Variants in MARK3 observed in about 807,000 individuals in gnomAD.
MARK3 encodes microtubule affinity regulating kinase 3.
A neutral mutation model predicts 90.1 loss-of-function variants in MARK3; 46 were observed. The ratio of observed to expected loss-of-function variants is 0.51; its 90% CI spans 0.40 to 0.65. The LOEUF (loss-of-function observed/expected upper bound fraction) is 0.65. Among genes scored for constraint, MARK3 ranks in the 30% least tolerant of loss-of-function variants. The probability of loss-of-function intolerance (pLI) is 0.00; values close to 1 mark genes in which losing one functional copy is unlikely to be tolerated. For missense variants in MARK3, 818 were observed against 947.2 expected, an observed-to-expected ratio of 0.86 and a Z score of 1.79; for synonymous variants, 321 against 332.6, an observed-to-expected ratio of 0.97 and a Z score of 0.38.
chr14:103,483,676 C>G (rs956899928), intron 14 of MARK3, among the ~76,000 whole-genome samples: 2 of 152,142 alleles, frequency 1.3e-5, no homozygotes, highest in Non-Finnish European at 2.9e-5. Context: ...ACCTGTGATT[C>G]GTTTTCTGAG....
At chr14:103,491,046 T>C (rs960839431) in intron 14 of MARK3, 1 of 1,288,604 alleles carries the variant, frequency 7.8e-7, no homozygotes, top group Non-Finnish European at 1.0e-6. Context: ...CATGTCAGCC[T>C]CTGGGCACCC....
In MARK3 at chr14:103,466,430, CA is replaced by C; in HGVS notation, c.991del (p.Arg331GlufsTer2). Reference protein sequence around the residue: ...FVEPELDISDQKRIDIMVGMG... With the variant: ...FVEPELDISDXKRIDIMVGMG... The stretch of plus-strand genomic sequence containing the variant: ...TGAACCAGAGCTAGACATCTCAGAC[CA>C]AAAAAGAATAGGTAATCACTCCATG... On this transcript the variant is annotated frameshift_variant, in exon 10 of 18. Coordinates refer to ENST00000429436, the MANE Select transcript of MARK3 (RefSeq NM_001128918.3). LOFTEE classifies it high-confidence loss of function. 1.9e-6 allele frequency: 3 copies of C among 1,608,632 alleles called. No homozygotes were observed. The highest frequency in any genetic ancestry group is 2.6e-6 in the Non-Finnish European group (3 of 1,176,348).
chr14:103,391,709 ATTTTT>A (rs71126012), intron 1 of MARK3, among the ~76,000 whole-genome samples: 1 of 69,684 alleles, frequency 1.4e-5, no homozygotes, highest in African/African-American at 7.6e-5. Context: ...ATGCCTGGCT[ATTTTT>A]TTTTTTTTTT....
chr14:103,503,084 G>A lies in MARK3; in HGVS notation c.2119G>A (p.Ala707Thr), dbSNP rs1350133881. The A allele has an allele frequency of 4.3e-6, 7 of 1,614,096 alleles. No individual in the cohort carries two copies. The highest frequency in any genetic ancestry group is 1.3e-5 in the African/African-American group (1 of 74,924). Residue 707 changes from alanine to threonine, a missense_variant, in exon 18 of 18, where the codon GCG becomes ACG. Ala to Thr is a moderately conservative substitution (Grantham distance 58). Coordinates refer to ENST00000429436, the MANE Select transcript of MARK3 (RefSeq NM_001128918.3). ...CTTCTGCGTCCACGGAGATGGGCAC[G>A]CGGAGAACCTCGTGCAGTGGGAAAT... is the stretch of plus-strand genomic sequence containing the variant. ...LLFCVHGDGHAENLVQWEMEV... is the reference protein window; with the variant it reads ...LLFCVHGDGHTENLVQWEMEV...
At chr14:103,476,774 G>A (rs546154366) in intron 13 of MARK3, among the ~76,000 whole-genome samples, 1 of 152,138 alleles carries the variant, frequency 6.6e-6, no homozygotes, top group Non-Finnish European at 1.5e-5. Context: ...GGGACTGGGT[G>A]CATGAAGGAC....
intron 2 of MARK3, among the ~76,000 whole-genome samples, chr14:103,417,657 G>C (rs2092005762): frequency 6.6e-6 from 1 of 151,924 alleles, no homozygotes; most frequent in Non-Finnish European, 1.5e-5. Context: ...CTTCATTCTG[G>C]AATCCTTAAG....
intron 3 of MARK3, among the ~76,000 whole-genome samples, chr14:103,442,526 T>TAAC (rs1424515957): frequency 2.6e-5 from 4 of 152,028 alleles, no homozygotes; most frequent in Admixed American, 1.3e-4. Context: ...AGTTGGGCAA[T>TAAC]ACATAACATT....
intron 13 of MARK3, among the ~76,000 whole-genome samples, chr14:103,475,993 G>T (rs1289281624): frequency 6.6e-6 from 1 of 151,230 alleles, no homozygotes; most frequent in South Asian, 2.1e-4. Flanking sequence ...AGCCCTCGTG[G>T]CCTAAACACC....
intron 13 of MARK3, among the ~76,000 whole-genome samples, chr14:103,477,137 G>T (rs889265901): frequency 6.6e-6 from 1 of 152,138 alleles, no homozygotes; most frequent in African/African-American, 2.4e-5. Flanking sequence ...TCTGTAGATG[G>T]TCTGCTCAAG....
intron 16 of MARK3, 89 bp from the exon 17 acceptor site, chr14:103,500,067 T>C: frequency 1.0e-6 from 1 of 957,966 alleles, no homozygotes; most frequent in Non-Finnish European, 1.7e-6. Context: ...TTTTATGGTG[T>C]TGGTGTTGGT....
chr14:103,457,975 A>G (rs17679729), intron 6 of MARK3, among the ~76,000 whole-genome samples: 43,405 of 152,078 alleles, frequency 0.29, 7,283 homozygotes, highest in Non-Finnish European at 0.36. Flanking sequence ...CCTTTCAAGT[A>G]GGAGACCTGC....
At chr14:103,406,529 G>A (rs1336114039) in intron 2 of MARK3, among the ~76,000 whole-genome samples, 1 of 152,222 alleles carries the variant, frequency 6.6e-6, no homozygotes, top group East Asian at 1.9e-4. Context: ...GAGCCACCAC[G>A]CCCAGCCTAA....
chr14:103,462,308 A>AAAAAT (rs2093418023), intron 6 of MARK3, 97 bp from the exon 7 acceptor site: 1 of 817,108 alleles, frequency 1.2e-6, no homozygotes. Flanking sequence ...TCGAGCGTAT[A>AAAAAT]CTGAGTATTC....
At chr14:103,484,516 A>G (rs1190824397) in intron 14 of MARK3, among the ~76,000 whole-genome samples, 1 of 152,236 alleles carries the variant, frequency 6.6e-6, no homozygotes, top group Non-Finnish European at 1.5e-5. Flanking sequence ...ATTACTGTAA[A>G]GTTTCAAAAT....
intron 3 of MARK3, among the ~76,000 whole-genome samples, chr14:103,431,646 ATAGCTGGTTAGT>A (rs1160707389): frequency 3.9e-5 from 6 of 152,304 alleles, no homozygotes; most frequent in African/African-American, 1.4e-4. Flanking sequence ...TGTATTTATG[ATAGCTGGTTAGT>A]TAGCCAACCT....
chr14:103,480,390 AAC>A lies in MARK3; in HGVS notation c.1490_1491del (p.Thr497SerfsTer15). The A allele has an allele frequency of 6.2e-7, 1 of 1,606,156 alleles. No individual in the cohort carries two copies. Among genetic ancestry groups the A allele is most frequent in the Non-Finnish European group, 8.5e-7 (1 of 1,173,270 alleles). On this transcript the variant is annotated frameshift_variant, in exon 14 of 18. Coordinates refer to ENST00000429436, the MANE Select transcript of MARK3 (RefSeq NM_001128918.3). LOFTEE classifies it high-confidence loss of function. ...ACAAAAATGCCCTTTTTTATAGAGT[AAC>A]ACAGCATCTGGTGGAATGACACGAC... is the stretch of plus-strand genomic sequence containing the variant. ...RKKSSTVPSS[N>X]TASGGMTRRN...
chr14:103,443,459 A>C (rs2092913012), intron 3 of MARK3, among the ~76,000 whole-genome samples: 1 of 152,250 alleles, frequency 6.6e-6, no homozygotes, highest in African/African-American at 2.4e-5. Context: ...TATAGGACTA[A>C]ATACTGGTAC....
chr14:103,426,530 G>A (rs2092409766), intron 2 of MARK3, among the ~76,000 whole-genome samples: 1 of 152,026 alleles, frequency 6.6e-6, no homozygotes, highest in South Asian at 2.1e-4. Context: ...ATCTTATGGG[G>A]GTGGGCTCAT....
intron 1 of MARK3, among the ~76,000 whole-genome samples, chr14:103,404,053 G>A (rs1273010817): frequency 1.3e-5 from 2 of 152,140 alleles, no homozygotes; most frequent in Non-Finnish European, 2.9e-5. Flanking sequence ...GACTAATGAG[G>A]AAATTCTGAA....
Sources: gnomAD v4.1 joint callset for allele counts (sites outside exome capture counted in the v4.1 genomes callset) on GRCh38, gnomAD v4.1.1 for gene constraint, MANE v1.5 for transcripts, NCBI Gene and HGNC (gene_info 2026-07-23, HGNC 2026-07-21) for gene names.